Variants in CWF19L1 observed in about 807,000 individuals in gnomAD.
CWF19L1 encodes the protein CWF19 like cell cycle control factor 1, also known as CWF19-like protein 1.
CWF19L1 carries 60 observed loss-of-function variants against 69.7 expected under a neutral mutation model. The ratio of observed to expected loss-of-function variants is 0.86; its 90% CI spans 0.70 to 1.07. The LOEUF is 1.07. Among genes scored for constraint, CWF19L1 ranks in the 50% least tolerant of loss-of-function variants. The pLI is 0.00. For missense variants in CWF19L1, 591 were observed against 638.9 expected (o/e 0.92, Z 0.81); for synonymous variants, 209 against 222.2 (o/e 0.94, Z 0.53).
intron 10 of CWF19L1, 88 bp downstream of exon 10, chr10:100,243,610 A>G: frequency 8.8e-7 from 1 of 1,138,022 alleles, no homozygotes; most frequent in Admixed American, 1.7e-5. Context: ...AAACATGGGT[A>G]AATGTTATAT....
intron 1 of CWF19L1, among the ~76,000 whole-genome samples, chr10:100,265,288 TAA>T (rs1847537415): frequency 1.3e-5 from 2 of 152,134 alleles, no homozygotes; most frequent in South Asian, 2.1e-4. Flanking sequence ...GTTTATAAAG[TAA>T]AAGTTACAGT....
chr10:100,248,942 C>A (rs1044481631), intron 7 of CWF19L1: 5 of 785,862 alleles, frequency 6.4e-6, no homozygotes, highest in Non-Finnish European at 6.7e-6. Flanking sequence ...AACTCACTGG[C>A]CACCGCAGGG....
At chr10:100,261,488 C>A (rs985640699) in intron 2 of CWF19L1, among the ~76,000 whole-genome samples, 1 of 152,212 alleles carries the variant, frequency 6.6e-6, no homozygotes, top group African/African-American at 2.4e-5. Flanking sequence ...ACATTTCCTG[C>A]CTGTTGTCTT....
chr10:100,259,331 T>C (rs933556731), intron 4 of CWF19L1, among the ~76,000 whole-genome samples: 3 of 151,442 alleles, frequency 2.0e-5, no homozygotes, highest in African/African-American at 7.3e-5. Flanking sequence ...CTAAAAGCAA[T>C]ACAGAGGGCT....
At chr10:100,255,562 T>C (rs1019899868) in intron 5 of CWF19L1, among the ~76,000 whole-genome samples, 1 of 151,918 alleles carries the variant, frequency 6.6e-6, no homozygotes, top group African/African-American at 2.4e-5. Context: ...CAGGAGTTCA[T>C]GACTAGCCTG....
At chr10:100,261,159 T>A (rs534927027) in intron 2 of CWF19L1, 115 bp from the exon 3 acceptor site, 1 of 677,726 alleles carries the variant, frequency 1.5e-6, no homozygotes, top group Non-Finnish European at 2.5e-6. Flanking sequence ...TAATTCTTAA[T>A]CAATTTGCAG....
At chr10:100,236,817 C>A in intron 12 of CWF19L1, 33 bp downstream of exon 12, 1 of 1,553,726 alleles carries the variant, frequency 6.4e-7, no homozygotes, top group Non-Finnish European at 8.7e-7. Context: ...CAGATATTTA[C>A]TCTTCCCTGA....
intron 4 of CWF19L1, chr10:100,258,700 T>C (rs887957294): frequency 6.6e-6 from 1 of 152,072 alleles, no homozygotes; most frequent in Non-Finnish European, 1.5e-5. Flanking sequence ...ATAAAGTCCT[T>C]CCTTCAATTT....
chr10:100,236,600 T>A (rs1228681418), intron 12 of CWF19L1, among the ~76,000 whole-genome samples: 1 of 152,026 alleles, frequency 6.6e-6, no homozygotes, highest in African/African-American at 2.4e-5. Flanking sequence ...TGAAACCCCG[T>A]CTCGACTAAA....
intron 5 of CWF19L1, 194 bp from the exon 6 acceptor site, chr10:100,253,733 G>C (rs1178677445): frequency 8.5e-6 from 4 of 469,802 alleles, no homozygotes; most frequent in Non-Finnish European, 1.5e-5. Context: ...GAACTACTAT[G>C]AATGTAGAAA....
intron 11 of CWF19L1, chr10:100,237,424 T>G (rs1846481140): frequency 5.4e-6 from 2 of 373,000 alleles, no homozygotes; most frequent in East Asian, 6.7e-5. Flanking sequence ...TTCTTCCAAA[T>G]TCTTATCCAG....
chr10:100,249,757 T>A (rs1846961728), intron 7 of CWF19L1, among the ~76,000 whole-genome samples: 1 of 152,142 alleles, frequency 6.6e-6, no homozygotes, highest in Admixed American at 6.5e-5. Flanking sequence ...GCTAATTTTT[T>A]TTATTTTTTA....
chr10:100,257,287 CTTTTT>C (rs55939570), intron 4 of CWF19L1, among the ~76,000 whole-genome samples: 20 of 105,824 alleles, frequency 1.9e-4, no homozygotes, highest in Non-Finnish European at 3.7e-4. Context: ...AGTGCTTTAC[CTTTTT>C]TTTTTTTTTT....
intron 10 of CWF19L1, among the ~76,000 whole-genome samples, chr10:100,240,471 T>C (rs2134281532): frequency 6.6e-6 from 1 of 152,004 alleles, no homozygotes; most frequent in South Asian, 2.1e-4. Flanking sequence ...CAGTGTAGAC[T>C]CTAGGCTGAA....
intron 5 of CWF19L1, 56 bp from the exon 6 acceptor site, chr10:100,253,595 A>G: frequency 1.0e-6 from 1 of 955,554 alleles, no homozygotes. Context: ...AGAAATGCAA[A>G]TAAATAATAA....
At chr10:100,243,895 C>T in intron 9 of CWF19L1, 118 bp from the exon 10 acceptor site, 1 of 764,018 alleles carries the variant, frequency 1.3e-6, no homozygotes, top group Non-Finnish European at 2.3e-6. Context: ...TACAACACTG[C>T]CACAATGGGC....
intron 10 of CWF19L1, among the ~76,000 whole-genome samples, chr10:100,240,961 G>C (rs539998510): frequency 8.3e-5 from 12 of 144,256 alleles, no homozygotes; most frequent in Admixed American, 3.4e-4. Context: ...GACTTCATTA[G>C]TGCTCCCCCT....
chr10:100,262,173 C>A, intron 1 of CWF19L1, 110 bp from the exon 2 acceptor site: 1 of 1,432,244 alleles, frequency 7.0e-7, no homozygotes, highest in East Asian at 2.6e-5. Flanking sequence ...AGTCTCTCTG[C>A]AGTTACCTTG....
intron 12 of CWF19L1, among the ~76,000 whole-genome samples, chr10:100,236,129 G>A (rs1320418436): frequency 6.8e-6 from 1 of 146,550 alleles, no homozygotes. Flanking sequence ...TTTAGAGACA[G>A]GGTCTTGCGA....
Sources: gnomAD v4.1 joint callset for allele counts (sites outside exome capture counted in the v4.1 genomes callset) on GRCh38, gnomAD v4.1.1 for gene constraint, MANE v1.5 for transcripts, NCBI Gene and HGNC (gene_info 2026-07-23, HGNC 2026-07-21) for gene names.